LIMS2: variants seen among roughly 807,000 people sequenced by gnomAD.
The protein encoded by LIMS2 is LIM zinc finger domain containing 2.
In LIMS2, 30 loss-of-function variants were observed where a neutral mutation model predicts 45.3. The observed-to-expected ratio is 0.66, with a 90% CI of 0.50 to 0.90. The LOEUF (loss-of-function observed/expected upper bound fraction) is 0.90, where lower values mean the gene tolerates loss of function less well. LIMS2 is among the 40% of genes least tolerant of loss of function. The pLI, the probability that LIMS2 is intolerant of heterozygous loss-of-function variation, is 0.00. For missense variants in LIMS2, 485 were observed against 468.7 expected (o/e 1.03, Z -0.32); for synonymous variants, 173 against 188.0 (o/e 0.92, Z 0.65).
intron 2 of LIMS2, chr2:127,656,139 G>A (rs546208142): frequency 6.6e-6 from 1 of 152,358 alleles, no homozygotes; most frequent in African/African-American, 2.4e-5. Flanking sequence ...TATGCTTTGA[G>A]TATTTGTTAC....
intron 1 of LIMS2, among the ~76,000 whole-genome samples, chr2:127,659,141 A>C (rs916680747): frequency 1.3e-5 from 2 of 152,066 alleles, no homozygotes; most frequent in Non-Finnish European, 2.9e-5. Context: ...GATGGACTGG[A>C]AACTTGAAAG....
chr2:127,638,777 G>T lies in LIMS2; in HGVS notation c.*504C>A. Reference sequence around the variant, plus strand: ...CACTGTGCCACTGGTTGAGTGAGTGGTGAGGGATTGGAGGTGGCTCCCAGA... The same window carrying T: ...CACTGTGCCACTGGTTGAGTGAGTGTTGAGGGATTGGAGGTGGCTCCCAGA... On this transcript the variant is annotated 3_prime_UTR_variant, in exon 10 of 10. Coordinates refer to ENST00000355119, the MANE Select transcript of LIMS2 (RefSeq NM_001161403.3). 1 of 160,274 alleles carries T rather than the reference G, an allele frequency of 6.2e-6. No individual in the cohort carries two copies. 9.9% of individuals were successfully genotyped at this position (160,274 alleles called of 1,614,324 possible).
chr2:127,664,289 C>G lies in LIMS2; in HGVS notation c.12-6727G>C. On this transcript the variant is annotated intron_variant, in intron 1 of 9. Transcript: ENST00000355119. This position sits in a 1 kb window ranked among gnomAD's most constrained non-coding sequence, Gnocchi z 5.5. ...CGGCCATTGTCCCCGCCACCCGCCCCGCCCCTGGCCACCTACCCCGTGGCT... is the reference window on the plus strand; with the variant it reads ...CGGCCATTGTCCCCGCCACCCGCCCGGCCCCTGGCCACCTACCCCGTGGCT... 8.1e-7 allele frequency: 1 copy of G among 1,235,606 alleles called. No homozygotes were observed. The highest frequency in any genetic ancestry group is 1.0e-6 in the Non-Finnish European group (1 of 990,086). The allele number at this position is 1,235,606 out of a possible 1,614,324, so 76.5% of individuals were successfully genotyped here. A position where few individuals can be genotyped will look rare whatever the true frequency, so the allele number is the denominator to read the frequency against.
intron 4 of LIMS2, among the ~76,000 whole-genome samples, chr2:127,649,343 T>C (rs1019087602): frequency 2.0e-5 from 3 of 152,140 alleles, no homozygotes; most frequent in African/African-American, 4.8e-5. Flanking sequence ...GCTGCCACAA[T>C]GGGCACAGGC....
Position 127,653,778 on chromosome 2 carries a change from T to C in LIMS2, c.359+646A>G, listed in dbSNP as rs1055590040. On this transcript the variant is annotated intron_variant, in intron 4 of 9. Transcript: ENST00000355119. The surrounding 1 kb of genome is among the most constrained non-coding windows in gnomAD (Gnocchi z 5.3). ...TAGCACACGCGAGGGGCAGCGGGTGTGCTGGGAGAAGCCGGGGAGGAAGGC... is the reference window on the plus strand; with the variant it reads ...TAGCACACGCGAGGGGCAGCGGGTGCGCTGGGAGAAGCCGGGGAGGAAGGC... 1.3e-5 allele frequency among the ~76,000 whole-genome samples: 2 copies of C among 151,992 alleles called. No homozygotes were observed. Among genetic ancestry groups the C allele is most frequent in the Non-Finnish European group, 2.9e-5 (2 of 68,008 alleles).
At chr2:127,675,791 C>T (rs1441088751), upstream of LIMS2, among the ~76,000 whole-genome samples, 2 of 152,188 alleles carry the variant, frequency 1.3e-5, no homozygotes, top group Admixed American at 1.3e-4. Flanking sequence ...CCGGGACCGC[C>T]GAGTCCACGC....
intron 4 of LIMS2, chr2:127,652,067 A>G (rs898546847): frequency 2.7e-6 from 1 of 370,360 alleles, no homozygotes; most frequent in Admixed American, 4.3e-5. Context: ...CTTTCCCGCT[A>G]GGCTCCCAGC....
At chr2:127,678,183 C>T (rs1283803582), upstream of LIMS2, among the ~76,000 whole-genome samples, 2 of 152,098 alleles carry the variant, frequency 1.3e-5, no homozygotes, top group South Asian at 2.1e-4. The surrounding 1 kb of genome is among the most constrained non-coding windows in gnomAD (Gnocchi z 5.3). Flanking sequence ...GGTGGATCCC[C>T]GTAGTCCCAG....
chr2:127,639,526 C>A, intron 9 of LIMS2, 98 bp from the exon 10 acceptor site: 2 of 1,444,596 alleles, frequency 1.4e-6, no homozygotes. Flanking sequence ...CCCAGCCTCC[C>A]CACACCAGCC....
At position 127,664,416 on chromosome 2, in the gene LIMS2, G is replaced by A. The variant is rs1222649126; in HGVS notation, c.12-6854C>T. On this transcript the variant is annotated intron_variant, in intron 1 of 9. Transcript: ENST00000355119. The surrounding 1 kb of genome is among the most constrained non-coding windows in gnomAD (Gnocchi z 5.5). ...CGCGGGGCAGCCGCCTTGAGGTCGCGGGCGCGGGCCGCCTGGTGCAGGGGC... is the reference window on the plus strand; with the variant it reads ...CGCGGGGCAGCCGCCTTGAGGTCGCAGGCGCGGGCCGCCTGGTGCAGGGGC... The A allele has an allele frequency of 4.2e-6, 5 of 1,194,734 alleles. No individual in the cohort carries two copies. Among genetic ancestry groups the A allele is most frequent in the Non-Finnish European group, 5.2e-6 (5 of 964,020 alleles). 74.0% of individuals were successfully genotyped at this position (1,194,734 alleles called of 1,614,324 possible).
chr2:127,640,356 G>A (rs770536658), intron 7 of LIMS2, 38 bp from the exon 8 acceptor site: 3 of 1,606,158 alleles, frequency 1.9e-6, no homozygotes, highest in Non-Finnish European at 2.6e-6. Context: ...GCTGCAGGCA[G>A]TCACACCCCA....
At chr2:127,670,384 T>C (rs560968490) in intron 1 of LIMS2, among the ~76,000 whole-genome samples, 1 of 152,352 alleles carries the variant, frequency 6.6e-6, no homozygotes, top group South Asian at 2.1e-4. Flanking sequence ...CACAAAAGGC[T>C]ATATAATATA....
intron 1 of LIMS2, among the ~76,000 whole-genome samples, chr2:127,665,749 G>A (rs1040265373): frequency 3.9e-5 from 6 of 152,104 alleles, no homozygotes; most frequent in Non-Finnish European, 7.4e-5. Context: ...CACCACTCCC[G>A]ACTCAGCCCA....
At chr2:127,643,106 C>A in intron 4 of LIMS2, 34 bp from the exon 5 acceptor site, 3 of 1,543,622 alleles carry the variant, frequency 1.9e-6, no homozygotes, top group Non-Finnish European at 2.6e-6. Context: ...GGCAGAGCCC[C>A]CACTCCCACA....
At chr2:127,639,589 A>G (rs759646584) in intron 9 of LIMS2, among the ~76,000 whole-genome samples, 161 bp from the exon 10 acceptor site, 9 of 152,034 alleles carry the variant, frequency 5.9e-5, no homozygotes, top group Admixed American at 2.6e-4. Context: ...GAGCATAGGG[A>G]TGAGAAGGGC....
At position 127,657,453 on chromosome 2, in the gene LIMS2, A is replaced by G. The variant is rs372067171; in HGVS notation, c.121T>C (p.Phe41Leu). Residue 41 changes from phenylalanine (F) to leucine (L), a missense_variant, in exon 2 of 10, where the codon TTC (phenylalanine) becomes CTC (leucine). Phe to Leu is a conservative substitution (Grantham distance 22). Transcript: ENST00000355119. ...SNGELYHEHC[F>L]VCAQCFRPFP... is the part of the protein sequence containing the mutation. ...GGCCGGAAGCACTGGGCACACACGA[A>G]GCAGTGCTCATGGTACAGCTCCCCA... 1.5e-5 allele frequency: 24 copies of G among 1,613,742 alleles called. No individual in the cohort carries two copies. Among genetic ancestry groups the G allele is most frequent in the Middle Eastern group, 1.6e-4 (1 of 6,084 alleles).
chr2:127,657,671 G>A (rs763872879), intron 1 of LIMS2, 109 bp from the exon 2 acceptor site: 5 of 1,198,324 alleles, frequency 4.2e-6, no homozygotes, highest in East Asian at 2.4e-5. Context: ...AAGTGAAGAC[G>A]CTCTGCAGGA....
At chr2:127,651,201 T>C in intron 4 of LIMS2, 3 of 1,610,616 alleles carry the variant, frequency 1.9e-6, no homozygotes, top group South Asian at 1.1e-5. Context: ...TGCCTTCCTG[T>C]GGGTGGTGGT....
In LIMS2 at chr2:127,651,251, C is replaced by T. The variant is rs200624530; in HGVS notation, c.359+3173G>A. 1.1e-4 allele frequency: 178 copies of T among 1,606,164 alleles called. No homozygotes were observed. The Admixed American group carries it at 2.5e-3, about 22-fold the overall frequency. ...CCCCGCTGCTGGTGAGCCCACAGAC[C>T]GTGCAGACCAACCACACGGTGGTCT... On this transcript the variant is annotated intron_variant, in intron 4 of 9. Transcript: ENST00000355119.
Sources: gnomAD v4.1 joint callset for allele counts (sites outside exome capture counted in the v4.1 genomes callset) on GRCh38, gnomAD v4.1.1 for gene constraint, Gnocchi (gnomAD v3.1) non-coding constraint, MANE v1.5 for transcripts, NCBI Gene and HGNC (gene_info 2026-07-23, HGNC 2026-07-21) for gene names.